ASAH2: variants seen among roughly 807,000 people sequenced by gnomAD.
ASAH2 encodes the protein N-acylsphingosine amidohydrolase 2.
Under a neutral mutation model 82.9 loss-of-function variants are expected in ASAH2, and 58 were observed. The observed-to-expected ratio is 0.70, with a 90% CI of 0.57 to 0.87. The LOEUF is 0.87. Ranked by LOEUF, ASAH2 falls within the 40% of genes least tolerant of loss-of-function variation. The pLI is 0.00. For missense variants in ASAH2, 779 were observed against 834.0 expected, an observed-to-expected ratio of 0.93 and a Z score of 0.81; for synonymous variants, 276 against 289.7, an observed-to-expected ratio of 0.95 and a Z score of 0.48.
intron 7 of ASAH2, among the ~76,000 whole-genome samples, chr10:50,231,585 C>T (rs916034905): frequency 6.6e-6 from 1 of 152,098 alleles, no homozygotes; most frequent in Non-Finnish European, 1.5e-5. Flanking sequence ...AGAAAACTTG[C>T]CTTATTCATC....
chr10:50,241,802 C>T (rs1846303267), intron 4 of ASAH2, among the ~76,000 whole-genome samples: 1 of 152,102 alleles, frequency 6.6e-6, no homozygotes, highest in Non-Finnish European at 1.5e-5. Context: ...GAAAATCAAA[C>T]ACCACATGTT....
intron 7 of ASAH2, among the ~76,000 whole-genome samples, chr10:50,222,930 TCAGAC>T (rs1399101212): frequency 2.0e-5 from 3 of 152,160 alleles, no homozygotes; most frequent in African/African-American, 7.2e-5. Flanking sequence ...AGTTAAGAAT[TCAGAC>T]ATAAAAGGAT....
chr10:50,207,986 C>T (rs1457293660), intron 12 of ASAH2, among the ~76,000 whole-genome samples: 6 of 151,680 alleles, frequency 4.0e-5, no homozygotes, highest in Non-Finnish European at 7.4e-5. Context: ...GGATTTATTC[C>T]AGGAATACAA....
chr10:50,185,746 A>C lies in ASAH2; in HGVS notation c.*1569T>G, dbSNP rs1297512121. On this transcript the variant is annotated 3_prime_UTR_variant, in exon 21 of 21. Coordinates refer to ENST00000682911, the MANE Select transcript of ASAH2 (RefSeq NM_019893.4). ...CCTCTAGGATACCAATTCATCAAAAAGTGTTCCAGGTTCATTCTAATTCAA... is the reference window on the plus strand; with the variant it reads ...CCTCTAGGATACCAATTCATCAAAACGTGTTCCAGGTTCATTCTAATTCAA... 7.0e-5 allele frequency: 10 copies of C among 142,638 alleles called. No individual in the cohort carries two copies. The highest frequency in any genetic ancestry group is 2.7e-4 in the African/African-American group (10 of 36,432). The allele number at this position is 142,638 out of a possible 1,614,324, so 8.8% of individuals were successfully genotyped here.
chr10:50,222,150 A>G (rs1024594985), intron 7 of ASAH2, among the ~76,000 whole-genome samples: 2 of 152,200 alleles, frequency 1.3e-5, no homozygotes, highest in Non-Finnish European at 2.9e-5. Context: ...GTTGATTGGC[A>G]TTGTGTGAAG....
chr10:50,201,141 G>C (rs1339864818), intron 16 of ASAH2, among the ~76,000 whole-genome samples: 4 of 151,904 alleles, frequency 2.6e-5, no homozygotes, highest in African/African-American at 9.7e-5. Flanking sequence ...CAAACTCCAG[G>C]GGAAGATCAT....
intron 9 of ASAH2, among the ~76,000 whole-genome samples, chr10:50,214,285 T>C (rs1485023679): frequency 1.3e-5 from 2 of 152,188 alleles, no homozygotes; most frequent in African/African-American, 2.4e-5. Context: ...CTATTCTCTG[T>C]ACTTCCACAT....
At chr10:50,231,174 A>C (rs1300381632) in intron 7 of ASAH2, among the ~76,000 whole-genome samples, 10 of 152,130 alleles carry the variant, frequency 6.6e-5, no homozygotes, top group African/African-American at 2.4e-4. Context: ...TGGGATACTC[A>C]GTGTAACTAG....
intron 7 of ASAH2, among the ~76,000 whole-genome samples, chr10:50,229,968 C>T (rs1845983836): frequency 6.6e-6 from 1 of 152,128 alleles, no homozygotes; most frequent in African/African-American, 2.4e-5. Flanking sequence ...CCTATAAGGG[C>T]AGCAACTCCA....
At chr10:50,218,009 C>T (rs1845650551) in intron 8 of ASAH2, among the ~76,000 whole-genome samples, 1 of 152,128 alleles carries the variant, frequency 6.6e-6, no homozygotes, top group South Asian at 2.1e-4. Flanking sequence ...CCTGTAATTT[C>T]AGCTACTCAG....
chr10:50,220,497 GCT>G (rs1296542532), intron 7 of ASAH2, among the ~76,000 whole-genome samples: 142,442 of 151,998 alleles, frequency 0.94, 67,444 homozygotes, highest in East Asian at 1. Context: ...GGAGCTGGAG[GCT>G]CCATTTGTTA....
chr10:50,245,206 C>T lies in ASAH2; in HGVS notation c.360+16G>A. ...CTTGTTTCACAGTCTCCTTAAGGAG[C>T]CCATTGTCTACTTGCCAAATTGATA... On this transcript the variant is annotated intron_variant, in intron 3 of 20. Coordinates refer to ENST00000682911, the MANE Select transcript of ASAH2 (RefSeq NM_019893.4). 1.3e-6 allele frequency: 2 copies of T among 1,579,614 alleles called. No individual in the cohort carries two copies. The highest frequency in any genetic ancestry group is 1.7e-6 in the Non-Finnish European group (2 of 1,148,950).
chr10:50,242,336 C>T (rs1238400384), intron 4 of ASAH2, among the ~76,000 whole-genome samples: 1 of 152,186 alleles, frequency 6.6e-6, no homozygotes, highest in East Asian at 1.9e-4. Context: ...TAGGCCATCT[C>T]ATTATCCCTC....
intron 2 of ASAH2, among the ~76,000 whole-genome samples, chr10:50,247,678 G>C (rs547581458): frequency 6.6e-6 from 1 of 152,114 alleles, no homozygotes; most frequent in African/African-American, 2.4e-5. Context: ...GGCCAGCCCT[G>C]TCTTTACTTT....
intron 12 of ASAH2, among the ~76,000 whole-genome samples, chr10:50,206,475 A>G (rs1845299524): frequency 6.7e-6 from 1 of 150,272 alleles, no homozygotes; most frequent in South Asian, 2.1e-4. Flanking sequence ...TACGCCTCCA[A>G]CTCACAATAC....
At chr10:50,206,180 A>C (rs1175848465) in intron 12 of ASAH2, 83 bp from the exon 13 acceptor site, 5 of 992,560 alleles carry the variant, frequency 5.0e-6, no homozygotes, top group Non-Finnish European at 8.1e-6. Flanking sequence ...TTGTACAATA[A>C]TCTTTTAAGG....
intron 20 of ASAH2, among the ~76,000 whole-genome samples, chr10:50,189,216 A>G (rs1234547321): frequency 6.9e-6 from 1 of 145,884 alleles, no homozygotes; most frequent in African/African-American, 2.7e-5. Flanking sequence ...TTTACAAATA[A>G]TACCTGTGTC....
chr10:50,214,872 C>A lies in ASAH2; in HGVS notation c.1015-4G>T. On this transcript the variant is annotated splice_region_variant and splice_polypyrimidine_tract_variant and intron_variant, in intron 8 of 20. Transcript: ENST00000682911. ...CAAAGGCTGCTACAAATGGCCCCTG[C>A]CAAAAGAAATGCCAAGTTGCCTTTT... 1 of 1,613,210 alleles carries A rather than the reference C, an allele frequency of 6.2e-7. No individual in the cohort carries two copies. The highest frequency in any genetic ancestry group is 8.5e-7 in the Non-Finnish European group (1 of 1,179,514).
chr10:50,223,787 G>A (rs946278251), intron 7 of ASAH2, among the ~76,000 whole-genome samples: 7 of 152,160 alleles, frequency 4.6e-5, no homozygotes, highest in African/African-American at 1.7e-4. Flanking sequence ...CAAGAGGAAA[G>A]GAACAGAGAG....
Sources: allele counts gnomAD v4.1 joint callset (sites outside exome capture counted in the v4.1 genomes callset), GRCh38; gene constraint gnomAD v4.1.1; transcripts MANE v1.5; gene names NCBI Gene and HGNC (gene_info 2026-07-23, HGNC 2026-07-21).